The following AK9 variants were observed in gnomAD, a reference collection of about 807,000 sequenced individuals.
The protein encoded by AK9 is adenylate kinase domain containing 1.
A neutral mutation model predicts 239.6 loss-of-function variants in AK9; 191 were observed. The observed-to-expected ratio is 0.80, with a 90% CI of 0.71 to 0.90. The LOEUF (loss-of-function observed/expected upper bound fraction) is 0.90. Among genes scored for constraint, AK9 ranks in the 40% least tolerant of loss-of-function variants. AK9 has a pLI of 0.00. For synonymous variants in AK9, 689 were observed against 721.0 expected (o/e 0.96, Z 0.71); for missense variants, 1,995 against 2,214.7 (o/e 0.90, Z 1.99).
chr6:109,614,183 C>CT lies in AK9; in HGVS notation c.1608_1609insA (p.Asp537ArgfsTer7). 1 of 1,549,830 alleles carries CT rather than the reference C, an allele frequency of 6.5e-7. No homozygotes were observed. Among genetic ancestry groups the CT allele is most frequent in the South Asian group, 1.2e-5 (1 of 83,982 alleles). ...TGGGATTAGCAGTTCACTTTGTTAC[C>CT]ATCTTTATCAACTTTAGCAGCTTGA... On this transcript the variant is annotated frameshift_variant and splice_region_variant, in exon 15 of 41. Transcript: ENST00000424296. LOFTEE classifies it high-confidence loss of function.
At chr6:109,598,328 GT>G (rs1412302089) in intron 17 of AK9, among the ~76,000 whole-genome samples, 2 of 151,356 alleles carry the variant, frequency 1.3e-5, no homozygotes, top group Non-Finnish European at 2.9e-5. Context: ...GCGGTGTTTG[GT>G]TTTTTGTCCT....
At chr6:109,640,233 C>T (rs1231761693) in intron 10 of AK9, among the ~76,000 whole-genome samples, 3 of 152,134 alleles carry the variant, frequency 2.0e-5, no homozygotes, top group African/African-American at 7.2e-5. Flanking sequence ...TGGGACCTGC[C>T]GAGCCAGGCA....
In AK9 at chr6:109,619,114, C is replaced by G; in HGVS notation, c.1377G>C (p.Arg459Ser). Reference protein sequence around the residue: ...AIKVVKEKLLRELQARKQAET... With the variant: ...AIKVVKEKLLSELQARKQAET... ...CACCTTGTTTTCTAGCTTGCAGTTC[C>G]CTGAGAAGCTTTTCTTTCACAACTT... Residue 459 changes from arginine (R) to serine (S), a missense_variant, in exon 13 of 41, where the codon AGG becomes AGC. Physicochemically the swap from Arg to Ser is moderately radical, Grantham distance 110 (BLOSUM62 -1). Coordinates refer to ENST00000424296, the MANE Select transcript of AK9 (RefSeq NM_001145128.3). 1.3e-6 allele frequency: 2 copies of G among 1,543,478 alleles called. No homozygotes were observed. Among genetic ancestry groups the G allele is most frequent in the Non-Finnish European group, 1.7e-6 (2 of 1,144,000 alleles).
At chr6:109,559,088 G>T (rs915973076) in intron 24 of AK9, among the ~76,000 whole-genome samples, 23 of 151,888 alleles carry the variant, frequency 1.5e-4, no homozygotes, top group Admixed American at 1.5e-3. Context: ...CTGACCTCAA[G>T]TGATCCGCCT....
At chr6:109,633,813 T>C (rs1796402984) in intron 10 of AK9, among the ~76,000 whole-genome samples, 1 of 152,208 alleles carries the variant, frequency 6.6e-6, no homozygotes. Context: ...ATTCTTAAAA[T>C]TTAAAGTCTC....
chr6:109,591,916 C>G (rs1790296536), intron 17 of AK9, among the ~76,000 whole-genome samples: 1 of 150,392 alleles, frequency 6.6e-6, no homozygotes, highest in African/African-American at 2.4e-5. Flanking sequence ...TATAAATGAA[C>G]TCTGAGGCTG....
chr6:109,569,161 C>G (rs900973957), intron 21 of AK9, among the ~76,000 whole-genome samples: 1 of 151,696 alleles, frequency 6.6e-6, no homozygotes, highest in Non-Finnish European at 1.5e-5. Flanking sequence ...ACAAACCTGA[C>G]AAAAACAAGA....
At chr6:109,647,071 C>A (rs1359499089) in intron 8 of AK9, among the ~76,000 whole-genome samples, 4 of 152,166 alleles carry the variant, frequency 2.6e-5, no homozygotes, top group Admixed American at 6.5e-5. Flanking sequence ...GCCCGCCTTA[C>A]AAGAGCTCCT....
At chr6:109,577,900 T>C (rs1222005159) in intron 20 of AK9, among the ~76,000 whole-genome samples, 3 of 89,460 alleles carry the variant, frequency 3.4e-5, no homozygotes, top group East Asian at 2.5e-3. Context: ...CTCTCTCTCT[T>C]TCTCTCTTTC....
rs919015492 is a variant in AK9 at position 109,634,019 on chromosome 6, G to A, written c.934-696C>T. Among the ~76,000 whole-genome samples, 3 of 152,108 alleles carry A rather than the reference G, an allele frequency of 2.0e-5. No homozygotes were observed. The East Asian group carries it at 5.8e-4, about 29-fold the overall frequency. On this transcript the variant is annotated intron_variant, in intron 10 of 40. Transcript: ENST00000424296. Reference sequence around the variant, plus strand: ...TCTGTCCTTGTGGTTCCTTACCAGGGGATGAGAAAACTGGTGAGAGATGGC... The same window carrying A: ...TCTGTCCTTGTGGTTCCTTACCAGGAGATGAGAAAACTGGTGAGAGATGGC...
At chr6:109,599,410 C>T in intron 17 of AK9, among the ~76,000 whole-genome samples, 1 of 152,116 alleles carries the variant, frequency 6.6e-6, no homozygotes, top group South Asian at 2.1e-4. Flanking sequence ...TTTCTGAGGG[C>T]TCTGTTCTGT....
At chr6:109,678,894 G>C (rs1772179158) in intron 1 of AK9, among the ~76,000 whole-genome samples, 1 of 152,194 alleles carries the variant, frequency 6.6e-6, no homozygotes, top group Non-Finnish European at 1.5e-5. Context: ...AGCCGTGAGG[G>C]ACTGTGCCAT....
At chr6:109,524,384 T>C (rs1187213894) in intron 29 of AK9, among the ~76,000 whole-genome samples, 2 of 152,016 alleles carry the variant, frequency 1.3e-5, no homozygotes, top group Non-Finnish European at 2.9e-5. Flanking sequence ...AAAGAGTAAA[T>C]GAGGCAGAAA....
At chr6:109,496,309 G>A (rs932570741) in intron 38 of AK9, among the ~76,000 whole-genome samples, 7 of 152,182 alleles carry the variant, frequency 4.6e-5, no homozygotes, top group African/African-American at 1.7e-4. Flanking sequence ...TGACTCCTGT[G>A]TCTTCACACC....
chr6:109,500,032 GAT>G (rs200611409), intron 35 of AK9, among the ~76,000 whole-genome samples: 786 of 76,382 alleles, frequency 0.01, 13 homozygotes, highest in African/African-American at 0.039. Context: ...CTATATATAT[GAT>G]ACACACACAC....
chr6:109,630,185 G>A (rs1014039636), intron 12 of AK9, among the ~76,000 whole-genome samples: 12 of 151,950 alleles, frequency 7.9e-5, no homozygotes, highest in Admixed American at 4.6e-4. Context: ...ACCTAGGATA[G>A]CATCAAAACC....
chr6:109,547,107 A>T (rs1375661836), intron 25 of AK9, among the ~76,000 whole-genome samples: 1 of 152,220 alleles, frequency 6.6e-6, no homozygotes, highest in African/African-American at 2.4e-5. Flanking sequence ...AAGTGGCCAC[A>T]GTCCTTAAAT....
chr6:109,497,758 C>A (rs1777224092), intron 37 of AK9, 38 bp downstream of exon 37: 1 of 1,589,174 alleles, frequency 6.3e-7, no homozygotes, highest in African/African-American at 1.3e-5. Flanking sequence ...TTTGGCGTAG[C>A]AATATCATTC....
chr6:109,542,449 G>A (rs1783022288), intron 26 of AK9, among the ~76,000 whole-genome samples: 3 of 152,150 alleles, frequency 2.0e-5, no homozygotes, highest in Admixed American at 2.0e-4. Context: ...TGTATTTCAG[G>A]ATAACTAGAA....
Sources: gnomAD v4.1 joint callset for allele counts (sites outside exome capture counted in the v4.1 genomes callset) on GRCh38, gnomAD v4.1.1 for gene constraint, MANE v1.5 for transcripts, NCBI Gene and HGNC (gene_info 2026-07-23, HGNC 2026-07-21) for gene names.